Variants in HPSE2 observed in about 807,000 individuals in gnomAD.
HPSE2 encodes inactive heparanase-2.
Under a neutral mutation model 60.5 loss-of-function variants are expected in HPSE2, and 38 were observed. The observed-to-expected ratio is 0.63, with a 90% confidence interval of 0.48 to 0.82. The LOEUF (loss-of-function observed/expected upper bound fraction) is 0.82. Among genes scored for constraint, HPSE2 ranks in the 40% least tolerant of loss-of-function variants. HPSE2 has a pLI of 0.00. For missense variants in HPSE2, 713 were observed against 740.4 expected (o/e 0.96, Z 0.43); for synonymous variants, 295 against 293.2 (o/e 1.01, Z -0.06).
intron 11 of HPSE2, among the ~76,000 whole-genome samples, chr10:98,463,709 G>A (rs1043313217): frequency 1.3e-5 from 2 of 152,218 alleles, no homozygotes; most frequent in Non-Finnish European, 1.5e-5. Context: ...GGAGGCTGAG[G>A]TGGGAGGATT....
intron 6 of HPSE2, among the ~76,000 whole-genome samples, chr10:98,670,173 C>T (rs1947469795): frequency 6.6e-6 from 1 of 152,086 alleles, no homozygotes; most frequent in South Asian, 2.1e-4. Context: ...GTTCAGGCAG[C>T]CAGTTAAGTA....
chr10:98,542,017 T>G (rs975794794), intron 9 of HPSE2, among the ~76,000 whole-genome samples: 28 of 78,576 alleles, frequency 3.6e-4, no homozygotes, highest in African/African-American at 9.1e-4. Context: ...GACTGCCTCC[T>G]CAAGTGGGTC....
intron 9 of HPSE2, among the ~76,000 whole-genome samples, chr10:98,546,223 A>C (rs1354855473): frequency 7.2e-6 from 1 of 139,074 alleles, no homozygotes; most frequent in Admixed American, 7.3e-5. Context: ...AAATGGCCAT[A>C]CTACCCAAGG....
chr10:98,585,101 G>C (rs185219168), intron 9 of HPSE2, among the ~76,000 whole-genome samples: 2 of 152,064 alleles, frequency 1.3e-5, no homozygotes, highest in African/African-American at 4.8e-5. Flanking sequence ...CTGCAGTTTG[G>C]TCTACTGGTG....
intron 4 of HPSE2, among the ~76,000 whole-genome samples, chr10:98,737,896 C>A (rs1032578502): frequency 1.3e-5 from 2 of 152,192 alleles, no homozygotes; most frequent in African/African-American, 4.8e-5. Flanking sequence ...AATGACCATA[C>A]TGCCCAAAGT....
At chr10:98,470,766 G>A (rs1940745975) in intron 11 of HPSE2, among the ~76,000 whole-genome samples, 1 of 152,186 alleles carries the variant, frequency 6.6e-6, no homozygotes, top group East Asian at 1.9e-4. Flanking sequence ...GGAAATCCCT[G>A]CCTACAACGA....
chr10:98,606,659 G>A (rs1258936933), intron 9 of HPSE2, among the ~76,000 whole-genome samples: 2 of 152,172 alleles, frequency 1.3e-5, no homozygotes, highest in Non-Finnish European at 2.9e-5. Flanking sequence ...AGCAGAGATT[G>A]ATAATAATTG....
intron 6 of HPSE2, among the ~76,000 whole-genome samples, chr10:98,664,313 A>G (rs1250301006): frequency 6.6e-6 from 1 of 151,748 alleles, no homozygotes; most frequent in Non-Finnish European, 1.5e-5. Context: ...AAGAGCCCCC[A>G]CTCTCAGAAC....
chr10:98,495,131 T>C (rs1341995904), intron 9 of HPSE2, among the ~76,000 whole-genome samples: 3 of 152,122 alleles, frequency 2.0e-5, no homozygotes, highest in African/African-American at 7.2e-5. Context: ...TCCCCTACTT[T>C]TGAAGAAAAA....
intron 2 of HPSE2, among the ~76,000 whole-genome samples, chr10:99,229,043 C>T (rs73339506): frequency 0.028 from 4,221 of 151,854 alleles, 191 homozygotes; most frequent in African/African-American, 0.096. Flanking sequence ...GGCATGGTGA[C>T]GCACACCTGT....
chr10:99,150,110 A>T (rs1000155465), intron 2 of HPSE2, among the ~76,000 whole-genome samples: 1 of 152,206 alleles, frequency 6.6e-6, no homozygotes, highest in Non-Finnish European at 1.5e-5. Context: ...ACCCTGACAG[A>T]TGCAACAAAG....
intron 3 of HPSE2, among the ~76,000 whole-genome samples, chr10:98,989,406 A>G (rs1215588048): frequency 6.6e-6 from 1 of 151,852 alleles, no homozygotes; most frequent in African/African-American, 2.4e-5. Flanking sequence ...ACAAAAAACC[A>G]AACACTGCAT....
At chr10:98,846,496 C>T (rs1952038619) in intron 3 of HPSE2, among the ~76,000 whole-genome samples, 1 of 152,144 alleles carries the variant, frequency 6.6e-6, no homozygotes, top group South Asian at 2.1e-4. Context: ...ACCCATTTTT[C>T]TCCTTGTTGT....
At chr10:98,618,069 T>C (rs1261010725) in intron 8 of HPSE2, among the ~76,000 whole-genome samples, 1 of 152,068 alleles carries the variant, frequency 6.6e-6, no homozygotes, top group Non-Finnish European at 1.5e-5. Context: ...CAGGAAGCAA[T>C]TTATGCCCCT....
intron 9 of HPSE2, among the ~76,000 whole-genome samples, chr10:98,566,632 CACA>C (rs1409410958): frequency 6.6e-6 from 1 of 152,182 alleles, no homozygotes; most frequent in Non-Finnish European, 1.5e-5. Context: ...GCGAAGGCAG[CACA>C]ACATCAGGCC....
At chr10:99,213,818 A>G (rs964106747) in intron 2 of HPSE2, among the ~76,000 whole-genome samples, 1 of 152,170 alleles carries the variant, frequency 6.6e-6, no homozygotes, top group African/African-American at 2.4e-5. Context: ...GGGAATAATA[A>G]CAGAATCTAC....
chr10:98,975,528 G>T (rs916016250), intron 3 of HPSE2, among the ~76,000 whole-genome samples: 2 of 152,104 alleles, frequency 1.3e-5, no homozygotes, highest in Non-Finnish European at 2.9e-5. Flanking sequence ...TGAAGGAACT[G>T]CAACAGTTGC....
At chr10:98,970,121 C>G (rs1350362516) in intron 3 of HPSE2, among the ~76,000 whole-genome samples, 1 of 152,102 alleles carries the variant, frequency 6.6e-6, no homozygotes, top group East Asian at 1.9e-4. Flanking sequence ...GCCACCACAC[C>G]AGGCTAATTT....
At chr10:99,188,870 G>A (rs542352429) in intron 2 of HPSE2, among the ~76,000 whole-genome samples, 1 of 152,200 alleles carries the variant, frequency 6.6e-6, no homozygotes, top group Non-Finnish European at 1.5e-5. Flanking sequence ...ACTAGTCTGT[G>A]TGCTCATGAC....
Sources: allele counts gnomAD v4.1 joint callset (sites outside exome capture counted in the v4.1 genomes callset), GRCh38; gene constraint gnomAD v4.1.1; transcripts MANE v1.5; gene names NCBI Gene and HGNC (gene_info 2026-07-23, HGNC 2026-07-21).